PABPC4L: variants seen among roughly 807,000 people sequenced by gnomAD.
The protein encoded by PABPC4L is polyadenylate-binding protein 4-like.
For missense variants in PABPC4L, 452 were observed against 451.4 expected, an observed-to-expected ratio of 1.00 and a Z score of -0.01; for synonymous variants, 169 against 164.1, an observed-to-expected ratio of 1.03 and a Z score of -0.23.
At position 134,198,094 on chromosome 4, in the gene PABPC4L, G is replaced by A. The variant is rs1422772475; in HGVS notation, c.*1813C>T. ...TCAATAAGAAATTAGTTATATTTTG[G>A]TACAGTCATTGAACAAAACATAAAA... On this transcript the variant is annotated 3_prime_UTR_variant, in exon 2 of 2. Transcript: ENST00000421491. The A allele has an allele frequency of 1.3e-5, 2 of 151,570 alleles. No individual in the cohort carries two copies. Among genetic ancestry groups the A allele is most frequent in the Non-Finnish European group, 3.0e-5 (2 of 67,648 alleles). 9.4% of individuals were successfully genotyped at this position (151,570 alleles called of 1,614,324 possible).
chr4:134,176,844 C>T, the PABPC4L span, among the ~76,000 whole-genome samples: 3 of 152,208 alleles, frequency 2.0e-5, no homozygotes, highest in Admixed American at 6.5e-5. Flanking sequence ...ATCCCCCTGG[C>T]GCCCCCATAC....
At chr4:134,024,484 C>T in the PABPC4L span, among the ~76,000 whole-genome samples, 1 of 152,144 alleles carries the variant, frequency 6.6e-6, no homozygotes, top group Non-Finnish European at 1.5e-5. Flanking sequence ...TTCACATGGC[C>T]TCTCTTCTGC....
At chr4:134,005,773 G>T in the PABPC4L span, among the ~76,000 whole-genome samples, 1 of 151,638 alleles carries the variant, frequency 6.6e-6, no homozygotes. Context: ...TGTCACTAGG[G>T]ATCTGCTTTA....
chr4:134,195,499 G>A (rs780191238), downstream of PABPC4L, among the ~76,000 whole-genome samples: 4 of 151,766 alleles, frequency 2.6e-5, no homozygotes, highest in Admixed American at 1.3e-4. Flanking sequence ...CAACTCAAAT[G>A]TGCTATTAGT....
At chr4:134,136,013 A>T in the PABPC4L span, among the ~76,000 whole-genome samples, 1 of 152,092 alleles carries the variant, frequency 6.6e-6, no homozygotes, top group Non-Finnish European at 1.5e-5. Context: ...TATTTGAAGC[A>T]TTTCAAAAAG....
the PABPC4L span, among the ~76,000 whole-genome samples, chr4:134,190,268 C>G: frequency 6.6e-6 from 1 of 152,050 alleles, no homozygotes; most frequent in African/African-American, 2.4e-5. Flanking sequence ...ACTTCTCTGA[C>G]ATATCTAAGA....
At chr4:133,990,202 G>A in the PABPC4L span, among the ~76,000 whole-genome samples, 7 of 152,062 alleles carry the variant, frequency 4.6e-5, no homozygotes, top group South Asian at 2.1e-4. Context: ...TTGTGGCAAC[G>A]TGCATCAAGC....
At chr4:133,958,292 T>C in the PABPC4L span, among the ~76,000 whole-genome samples, 1 of 152,146 alleles carries the variant, frequency 6.6e-6, no homozygotes, top group African/African-American at 2.4e-5. Context: ...TGCTCCAGTT[T>C]CCAAGAAGTT....
At chr4:134,013,594 T>C in the PABPC4L span, among the ~76,000 whole-genome samples, 2 of 152,118 alleles carry the variant, frequency 1.3e-5, no homozygotes. Context: ...ACTTTCAATT[T>C]TTCCATCCTA....
the PABPC4L span, among the ~76,000 whole-genome samples, chr4:134,136,108 T>A: frequency 1.3e-5 from 2 of 152,064 alleles, no homozygotes; most frequent in African/African-American, 4.8e-5. Context: ...ATAGTATAGA[T>A]TCAAACCTTA....
chr4:134,142,228 T>A, the PABPC4L span, among the ~76,000 whole-genome samples: 2 of 151,616 alleles, frequency 1.3e-5, no homozygotes, highest in Non-Finnish European at 3.0e-5. Flanking sequence ...TGTAATTTTT[T>A]AAAATTATAA....
the PABPC4L span, among the ~76,000 whole-genome samples, chr4:133,951,927 A>T: frequency 8.1e-4 from 124 of 152,284 alleles, no homozygotes; most frequent in African/African-American, 2.9e-3. Flanking sequence ...AGGCAAGGGC[A>T]GACCCACTAT....
chr4:134,116,332 G>C, the PABPC4L span, among the ~76,000 whole-genome samples: 1 of 151,808 alleles, frequency 6.6e-6, no homozygotes, highest in Non-Finnish European at 1.5e-5. Context: ...TTCAAGAAAT[G>C]ATGCAAAGGG....
chr4:134,078,722 A>G, the PABPC4L span, among the ~76,000 whole-genome samples: 11 of 150,076 alleles, frequency 7.3e-5, no homozygotes, highest in African/African-American at 2.7e-4. Context: ...GGCGATCTCA[A>G]CTCACCACAA....
At chr4:134,109,751 A>T in the PABPC4L span, among the ~76,000 whole-genome samples, 1 of 146,682 alleles carries the variant, frequency 6.8e-6, no homozygotes, top group Non-Finnish European at 1.5e-5. Flanking sequence ...TTTCTAGATC[A>T]TTTTTTTTTT....
chr4:134,159,716 C>G, the PABPC4L span, among the ~76,000 whole-genome samples: 4 of 152,212 alleles, frequency 2.6e-5, no homozygotes, highest in East Asian at 7.8e-4. Flanking sequence ...GCCACAGAGA[C>G]TGCAGTCCCT....
the PABPC4L span, among the ~76,000 whole-genome samples, chr4:134,107,148 G>A: frequency 4.6e-3 from 685 of 150,402 alleles, 8 homozygotes; most frequent in African/African-American, 0.016. Context: ...TTGTTTCACA[G>A]AGCTAAAACG....
chr4:134,180,066 C>T, the PABPC4L span, among the ~76,000 whole-genome samples: 1 of 152,168 alleles, frequency 6.6e-6, no homozygotes, highest in South Asian at 2.1e-4. Flanking sequence ...ATCAACAGGA[C>T]TCTTCATCCA....
chr4:134,152,613 C>T, the PABPC4L span, among the ~76,000 whole-genome samples: 1 of 152,132 alleles, frequency 6.6e-6, no homozygotes, highest in Non-Finnish European at 1.5e-5. Flanking sequence ...GAGGGGCTTA[C>T]AGCTTATGCC....
Sources: gnomAD v4.1 joint callset for allele counts (sites outside exome capture counted in the v4.1 genomes callset) on GRCh38, gnomAD v4.1.1 for gene constraint, MANE v1.5 for transcripts, NCBI Gene and HGNC (gene_info 2026-07-23, HGNC 2026-07-21) for gene names.